SLC25A48: variants seen among roughly 807,000 people sequenced by gnomAD.
SLC25A48 encodes the protein CTC-321K16.1.
In SLC25A48, 29 loss-of-function variants were observed where a neutral mutation model predicts 32.2. That is an observed-to-expected ratio of 0.90 (90% CI 0.67 to 1.23). The LOEUF (loss-of-function observed/expected upper bound fraction) is 1.23, where lower values mean the gene tolerates loss of function less well. Among genes scored for constraint, SLC25A48 ranks in the 50% most tolerant of loss-of-function variants. The pLI is 0.00. For missense variants in SLC25A48, 399 were observed against 422.7 expected (o/e 0.94, Z 0.49); for synonymous variants, 164 against 172.3 (o/e 0.95, Z 0.38).
At chr5:135,675,095 C>T (rs1373488599) in intron 3 of SLC25A48, among the ~76,000 whole-genome samples, 1 of 151,898 alleles carries the variant, frequency 6.6e-6, no homozygotes, top group African/African-American at 2.4e-5. Context: ...ATTTGTATTT[C>T]CCTGATGATT....
At chr5:135,791,322 G>T (rs867679863) in intron 3 of SLC25A48, among the ~76,000 whole-genome samples, 1 of 151,654 alleles carries the variant, frequency 6.6e-6, no homozygotes, top group South Asian at 2.1e-4. Context: ...GATGTCACAG[G>T]TGATCTATAA....
At chr5:135,772,088 T>C (rs1342961822) in intron 3 of SLC25A48, among the ~76,000 whole-genome samples, 1 of 151,432 alleles carries the variant, frequency 6.6e-6, no homozygotes, top group African/African-American at 2.4e-5. Flanking sequence ...CACCACCCTG[T>C]GATATTATTC....
At chr5:135,586,213 G>C (rs761865335) in intron 1 of SLC25A48, among the ~76,000 whole-genome samples, 7 of 152,068 alleles carry the variant, frequency 4.6e-5, no homozygotes, top group South Asian at 4.1e-4. Flanking sequence ...GGAGGAGGGT[G>C]GGGGGACGCT....
intron 3 of SLC25A48, chr5:135,653,894 A>G: frequency 2.2e-6 from 1 of 456,304 alleles, no homozygotes; most frequent in Non-Finnish European, 4.4e-6. Context: ...GCCACAGGGC[A>G]AGCATATACT....
chr5:135,706,167 C>T (rs1754502879), intron 3 of SLC25A48, among the ~76,000 whole-genome samples: 1 of 152,196 alleles, frequency 6.6e-6, no homozygotes, highest in Non-Finnish European at 1.5e-5. Context: ...TTCTCCTGGC[C>T]ACTTCCTCCA....
chr5:135,730,354 T>G (rs1024319733), intron 3 of SLC25A48, among the ~76,000 whole-genome samples: 6 of 152,078 alleles, frequency 3.9e-5, no homozygotes, highest in Non-Finnish European at 8.8e-5. Context: ...TCTCACAAGA[T>G]CTGATGGTTT....
chr5:135,888,311 A>G lies in SLC25A48; in HGVS notation c.*287A>G, dbSNP rs1278787011. ...TTGGTCCAGCTGAGAAGTCCTGACC[A>G]TGAGCACCAGGGAGCCAGAAACCAC... On this transcript the variant is annotated 3_prime_UTR_variant, in exon 8 of 8. Coordinates refer to ENST00000681962, the MANE Select transcript of SLC25A48 (RefSeq NM_001349336.2). The G allele has an allele frequency of 4.4e-6, 2 of 457,202 alleles. No homozygotes were observed. Among genetic ancestry groups the G allele is most frequent in the East Asian group, 3.1e-5 (1 of 32,026 alleles). 28.3% of individuals were successfully genotyped at this position (457,202 alleles called of 1,614,324 possible).
chr5:135,852,671 C>T lies in SLC25A48; in HGVS notation c.271C>T (p.Arg91Cys), dbSNP rs1759980707. The part of the protein sequence containing the change: ...SNTQRFLSQH[R>C]CGEPEASPPR... Reference sequence around the variant, plus strand: ...CACGCAGCGGTTCCTCAGCCAGCACCGCTGCGGGGAGCCAGAGGCCAGTCC... The same window carrying T: ...CACGCAGCGGTTCCTCAGCCAGCACTGCTGCGGGGAGCCAGAGGCCAGTCC... Residue 91 changes from arginine (R) to cysteine (C), a missense_variant, in exon 4 of 8, where the codon CGC becomes TGC. Physicochemically the swap from Arg to Cys is radical, Grantham distance 180 (BLOSUM62 -3). Transcript: ENST00000681962. 10 of 1,613,756 alleles carry T rather than the reference C, an allele frequency of 6.2e-6. No homozygotes were observed. The East Asian group carries it at 1.3e-4, about 22-fold the overall frequency.
chr5:135,761,458 T>A lies in SLC25A48; in HGVS notation c.-520-51065T>A, dbSNP rs535379761. 3.9e-5 allele frequency among the ~76,000 whole-genome samples: 6 copies of A among 152,170 alleles called. No homozygotes were observed. The East Asian group carries it at 1.2e-3, about 29-fold the overall frequency. On this transcript the variant is annotated intron_variant, in intron 3 of 10. Transcript: ENST00000646290. ...TAGAACTTAAAGTATAATTAAAATA[T>A]ATATATAAAAAAAGAAGAAAGAAAA...
At chr5:135,674,819 A>C (rs1753731220) in intron 3 of SLC25A48, among the ~76,000 whole-genome samples, 1 of 151,972 alleles carries the variant, frequency 6.6e-6, no homozygotes, top group Admixed American at 6.5e-5. Context: ...ATGCATGTGC[A>C]TACCTCCCTT....
chr5:135,648,287 A>T (rs1030784832), intron 3 of SLC25A48, among the ~76,000 whole-genome samples: 1 of 152,204 alleles, frequency 6.6e-6, no homozygotes, highest in Non-Finnish European at 1.5e-5. Context: ...GTTGTGCAGC[A>T]GATGCTTTCA....
chr5:135,786,469 A>G (rs1684444198), intron 3 of SLC25A48, among the ~76,000 whole-genome samples: 2 of 151,926 alleles, frequency 1.3e-5, no homozygotes, highest in Non-Finnish European at 2.9e-5. Context: ...ATGGGTGCAC[A>G]TTGTGTGAAA....
intron 3 of SLC25A48, among the ~76,000 whole-genome samples, chr5:135,658,942 T>A (rs1428714295): frequency 3.3e-5 from 5 of 152,182 alleles, no homozygotes; most frequent in Non-Finnish European, 7.3e-5. Flanking sequence ...CACAAAACCA[T>A]TTTTTCCCTC....
At chr5:135,829,880 C>T (rs536544476), upstream of SLC25A48, among the ~76,000 whole-genome samples, 1 of 152,192 alleles carries the variant, frequency 6.6e-6, no homozygotes, top group East Asian at 1.9e-4. Flanking sequence ...TTCTTCTCAC[C>T]TACCCAAGGA....
At chr5:135,801,354 A>G (rs1486068732) in intron 3 of SLC25A48, among the ~76,000 whole-genome samples, 1 of 150,902 alleles carries the variant, frequency 6.6e-6, no homozygotes, top group Non-Finnish European at 1.5e-5. Flanking sequence ...AAAAAAGGGG[A>G]TGATATCACT....
intron 3 of SLC25A48, among the ~76,000 whole-genome samples, chr5:135,754,297 TATG>T (rs1452723433): frequency 7.0e-5 from 4 of 57,244 alleles, no homozygotes; most frequent in Non-Finnish European, 2.6e-4. Flanking sequence ...TGACACTACA[TATG>T]ATATGATAAA....
At chr5:135,738,529 C>G (rs1450196478) in intron 3 of SLC25A48, among the ~76,000 whole-genome samples, 1 of 152,138 alleles carries the variant, frequency 6.6e-6, no homozygotes, top group Non-Finnish European at 1.5e-5. Context: ...TCCTTTTACT[C>G]TCAAACTGCC....
At position 135,846,895 on chromosome 5, in the gene SLC25A48, T is replaced by C. The variant is rs375367593; in HGVS notation, c.91-3530T>C. 3.9e-5 allele frequency among the ~76,000 whole-genome samples: 6 copies of C among 152,190 alleles called. 1 individual carries two copies. In the East Asian group the frequency reaches 1.2e-3, roughly 29 times the overall value. On this transcript the variant is annotated intron_variant, in intron 2 of 7. Transcript: ENST00000681962. ...TTAAATAGTCAAATGCAACTCAGCT[T>C]TCATGGAGGTCTATGTGGATGATAT...
At chr5:135,849,227 A>T (rs1266362979) in intron 2 of SLC25A48, among the ~76,000 whole-genome samples, 2 of 152,152 alleles carry the variant, frequency 1.3e-5, no homozygotes, top group African/African-American at 4.8e-5. Context: ...CAGGCAGTTC[A>T]TGTGAAGAGC....
Sources: allele counts gnomAD v4.1 joint callset (sites outside exome capture counted in the v4.1 genomes callset), GRCh38; gene constraint gnomAD v4.1.1; transcripts MANE v1.5; gene names NCBI Gene and HGNC (gene_info 2026-07-23, HGNC 2026-07-21).